NYX: variants seen among roughly 807,000 people sequenced by gnomAD.
NYX encodes the protein nyctalopin, also known as leucine-rich repeat protein.
For missense variants in NYX, 481 were observed against 485.4 expected, an observed-to-expected ratio of 0.99 and a Z score of 0.09; for synonymous variants, 258 against 245.7, an observed-to-expected ratio of 1.05 and a Z score of -0.47.
intron 2 of NYX, among the ~76,000 whole-genome samples, chrX:41,455,038 C>A (rs1455578240): frequency 8.9e-6 from 1 of 111,832 alleles, no homozygotes; most frequent in Non-Finnish European, 1.9e-5. Context: ...CATCTGTCCC[C>A]CATAACTGTC....
At chrX:41,466,971 T>G (rs1339118903) in intron 2 of NYX, among the ~76,000 whole-genome samples, 1 of 108,763 alleles carries the variant, frequency 9.2e-6, no homozygotes, top group East Asian at 2.8e-4. Context: ...AATTTTTGTT[T>G]GTTTGTAGTT....
chrX:41,459,834 A>G (rs1490588421), intron 2 of NYX, among the ~76,000 whole-genome samples: 1 of 105,420 alleles, frequency 9.5e-6, no homozygotes, highest in East Asian at 2.9e-4. Flanking sequence ...ATTAGCCTCT[A>G]TGAACACTCT....
At chrX:41,473,078 G>A (rs916093151) in intron 2 of NYX, among the ~76,000 whole-genome samples, 1 of 112,181 alleles carries the variant, frequency 8.9e-6, no homozygotes, top group Non-Finnish European at 1.9e-5. Context: ...GATTACAGGC[G>A]TGAGCCACTG....
chrX:41,447,580 C>G, intron 1 of NYX, 64 bp downstream of exon 1: 1 of 357,435 alleles, frequency 2.8e-6, no homozygotes, highest in Non-Finnish European at 5.0e-6. Context: ...CCATCCATTT[C>G]CTTGCTGGGT....
chrX:41,451,624 G>A (rs1489046693), intron 2 of NYX, among the ~76,000 whole-genome samples: 5 of 110,152 alleles, frequency 4.5e-5, no homozygotes, highest in African/African-American at 6.6e-5. Flanking sequence ...CGTGATTCTC[G>A]TGCCTCAGCC....
chrX:41,455,553 C>T (rs1349826742), intron 2 of NYX, among the ~76,000 whole-genome samples: 2 of 110,179 alleles, frequency 1.8e-5, no homozygotes, highest in South Asian at 7.7e-4. Flanking sequence ...ATGTGAATCC[C>T]GGGGTGATGA....
chrX:41,451,314 A>C (rs2064279282), intron 2 of NYX, among the ~76,000 whole-genome samples: 1 of 111,942 alleles, frequency 8.9e-6, no homozygotes, highest in South Asian at 3.7e-4. Flanking sequence ...TAGATAAATG[A>C]GAAACAAAAA....
intron 2 of NYX, among the ~76,000 whole-genome samples, chrX:41,463,246 T>C (rs2064326409): frequency 8.9e-6 from 1 of 111,883 alleles, no homozygotes; most frequent in African/African-American, 3.2e-5. Context: ...CTTGTATTGC[T>C]TCAAGTATAA....
chrX:41,456,720 T>C (rs899779679), intron 2 of NYX, among the ~76,000 whole-genome samples: 2 of 112,088 alleles, frequency 1.8e-5, no homozygotes, highest in African/African-American at 6.5e-5. Flanking sequence ...CAAAGCTATG[T>C]CACATGCCTG....
chrX:41,458,748 T>A (rs1417501276), intron 2 of NYX, among the ~76,000 whole-genome samples: 1 of 101,957 alleles, frequency 9.8e-6, no homozygotes, highest in African/African-American at 3.6e-5. Context: ...ATTACAGGCA[T>A]GAGCCACCAC....
chrX:41,449,010 C>A (rs1263506450), intron 2 of NYX, among the ~76,000 whole-genome samples: 1 of 112,012 alleles, frequency 8.9e-6, no homozygotes, highest in South Asian at 3.6e-4. Flanking sequence ...CAAAGTTTCT[C>A]GCTCTGTTAT....
chrX:41,465,581 G>A (rs780761051), intron 2 of NYX, among the ~76,000 whole-genome samples: 16 of 103,118 alleles, frequency 1.6e-4, no homozygotes, highest in African/African-American at 5.3e-4. Flanking sequence ...CCAGGCTGGA[G>A]TGCAGTGGCA....
In NYX at chrX:41,474,956, G is replaced by A. The variant is rs2064385102; in HGVS notation, c.*57G>A. ...GGGCTTGAGTGTGTTTGTGGTAAGG[G>A]GAGAGGAGCCGGAATGGAGGGCAGA... On this transcript the variant is annotated 3_prime_UTR_variant, in exon 3 of 3. Transcript: ENST00000378220. 1.9e-6 allele frequency: 2 copies of A among 1,050,051 alleles called. No homozygotes were observed. Among genetic ancestry groups the A allele is most frequent in the East Asian group, 6.3e-5 (2 of 31,878 alleles). 86.5% of individuals were successfully genotyped at this position (1,050,051 alleles called of 1,213,427 possible).
intron 2 of NYX, among the ~76,000 whole-genome samples, chrX:41,461,822 GAC>G (rs2064321177): frequency 9.0e-6 from 1 of 110,743 alleles, no homozygotes; most frequent in Admixed American, 9.7e-5. Flanking sequence ...TTTTTCCTGA[GAC>G]ACAGTCTCAC....
At position 41,451,614 on chromosome X, in the gene NYX, C is replaced by T. The variant is rs946444606; in HGVS notation, c.22+3688C>T. 4.5e-5 allele frequency among the ~76,000 whole-genome samples: 5 copies of T among 110,099 alleles called. No homozygotes were observed. In the South Asian group the frequency reaches 1.2e-3, roughly 26 times the overall value. Reference sequence around the variant, plus strand: ...CTGCAACCTCCGCCTCCCGGGTTCACGTGATTCTCGTGCCTCAGCCTCCTG... The same window carrying T: ...CTGCAACCTCCGCCTCCCGGGTTCATGTGATTCTCGTGCCTCAGCCTCCTG... On this transcript the variant is annotated intron_variant, in intron 2 of 2. Transcript: ENST00000378220.
At chrX:41,459,670 G>A (rs1427198123) in intron 2 of NYX, among the ~76,000 whole-genome samples, 1 of 110,797 alleles carries the variant, frequency 9.0e-6, no homozygotes, top group Non-Finnish European at 1.9e-5. Context: ...CGTATAGTAT[G>A]TTTCTTTTGT....
intron 2 of NYX, among the ~76,000 whole-genome samples, chrX:41,457,307 CAA>C (rs752610260): frequency 6.7e-5 from 3 of 44,703 alleles, no homozygotes; most frequent in African/African-American, 9.4e-5. Flanking sequence ...AACTCCATCT[CAA>C]AAAAAAAAAA....
intron 1 of NYX, 143 bp from the exon 2 acceptor site, chrX:41,447,706 C>T: frequency 4.1e-6 from 2 of 488,505 alleles, no homozygotes; most frequent in Non-Finnish European, 7.3e-6. Flanking sequence ...ACTGGTTTCC[C>T]TTAGCCCAAC....
chrX:41,474,296 G>A lies in NYX; in HGVS notation c.828G>A (p.Glu276=), dbSNP rs3810733. Residue 276 remains glutamate, a synonymous_variant, in exon 3 of 3, where the codon GAG becomes GAA. Coordinates refer to ENST00000378220, the MANE Select transcript of NYX (RefSeq NM_001378477.3). ...RAWFADLAEL[E]LLYLDRNSIA... is the part of the protein sequence containing the mutation. The stretch of plus-strand genomic sequence containing the variant: ...GGTTCGCTGACCTGGCCGAGCTCGA[G>A]CTGCTCTACCTGGACCGCAACAGCA... The A allele has an allele frequency of 5.9e-3, 7,133 of 1,207,016 alleles. 47 individuals are homozygous for A. Among genetic ancestry groups the A allele is most frequent in the East Asian group, 0.053 (1,774 of 33,748 alleles).
Sources: gnomAD v4.1 joint callset for allele counts (sites outside exome capture counted in the v4.1 genomes callset) on GRCh38, gnomAD v4.1.1 for gene constraint, MANE v1.5 for transcripts, NCBI Gene and HGNC (gene_info 2026-07-23, HGNC 2026-07-21) for gene names.